MATR3: variants seen among roughly 807,000 people sequenced by gnomAD.
MATR3 encodes the protein matrin 3, also known as matrin-3.
MATR3 carries 4 observed loss-of-function variants against 85.5 expected under a neutral mutation model. The observed-to-expected ratio is 0.05, with a 90% CI of 0.02 to 0.11. The LOEUF (loss-of-function observed/expected upper bound fraction) is 0.11. Ranked by LOEUF, MATR3 falls within the 10% of genes least tolerant of loss-of-function variation. The pLI, the probability that MATR3 is intolerant of heterozygous loss-of-function variation, is 1.00. For synonymous variants in MATR3, 336 were observed against 343.1 expected (o/e 0.98, Z 0.23); for missense variants, 685 against 1,016.1 (o/e 0.67, Z 4.43).
intron 1 of MATR3, among the ~76,000 whole-genome samples, chr5:139,275,142 A>ATTTTTTTTTTT (rs750841386): frequency 4.4e-4 from 18 of 40,892 alleles, no homozygotes; most frequent in African/African-American, 5.6e-4. Flanking sequence ...CGCCCGGCTA[A>ATTTTTTTTTTT]TTTTTTTTTT....
chr5:139,298,818 C>T (rs1201760820), intron 1 of MATR3, among the ~76,000 whole-genome samples: 3 of 152,064 alleles, frequency 2.0e-5, no homozygotes, highest in Non-Finnish European at 2.9e-5. Context: ...CAAGAAACAG[C>T]GTTGTTCTTG....
At chr5:139,325,184 C>G (rs1755784012) in intron 12 of MATR3, 4 of 1,419,492 alleles carry the variant, frequency 2.8e-6, no homozygotes, top group Non-Finnish European at 3.7e-6. Flanking sequence ...CAGAGCAAGA[C>G]TCCGTCTCAA....
At chr5:139,291,949 T>G (rs1475048177), upstream of MATR3, 1 of 139,292 alleles carries the variant, frequency 7.2e-6, no homozygotes, top group Non-Finnish European at 1.6e-5. Flanking sequence ...TTTTTTTTTT[T>G]TTTTTTTTTT....
intron 1 of MATR3, among the ~76,000 whole-genome samples, chr5:139,275,289 G>A (rs1002168634): frequency 3.3e-5 from 5 of 151,330 alleles, no homozygotes; most frequent in African/African-American, 4.9e-5. Flanking sequence ...GAGCCACCGC[G>A]CCCGGCCTAA....
chr5:139,297,372 T>C (rs1561927084), intron 1 of MATR3, among the ~76,000 whole-genome samples: 1 of 152,206 alleles, frequency 6.6e-6, no homozygotes, highest in Non-Finnish European at 1.5e-5. Context: ...GTAGCAAACC[T>C]TTCTCATTGG....
At chr5:139,305,525 AT>A (rs1284026177) in intron 1 of MATR3, among the ~76,000 whole-genome samples, 1 of 152,126 alleles carries the variant, frequency 6.6e-6, no homozygotes, top group Admixed American at 6.5e-5. Context: ...CCTCTAAAGG[AT>A]TTGATTTGTA....
Position 139,317,663 on chromosome 5 carries a change from A to G in MATR3, c.1250A>G (p.Gln417Arg). Residue 417 changes from glutamine to arginine, a missense_variant, in exon 7 of 15, where the codon CAG becomes CGG. Physicochemically the swap from Gln to Arg is conservative, Grantham distance 43 (BLOSUM62 1). Coordinates refer to ENST00000394805, the MANE Select transcript of MATR3 (RefSeq NM_018834.6). ...RGKNLRYQLL[Q>R]LVEPFGVISN... ...AAAAACTTGAGATACCAGCTATTAC[A>G]GCTGGTAGAACCATTTGGAGTCATT... 6.2e-7 allele frequency: 1 copy of G among 1,611,498 alleles called. No individual in the cohort carries two copies. Among genetic ancestry groups the G allele is most frequent in the Non-Finnish European group, 8.5e-7 (1 of 1,179,454 alleles).
rs1755155925 is a variant in MATR3, at chr5:139,314,688, A to G, written c.926A>G (p.His309Arg). ...PVHSNKEWSQ[H>R]INGASHSRRC... ...ACTTTGCTGCAGGAGTGGAGTCAACATATCAATGGAGCAAGTCACAGTCGT... is the reference window on the plus strand; with the variant it reads ...ACTTTGCTGCAGGAGTGGAGTCAACGTATCAATGGAGCAAGTCACAGTCGT... Residue 309 changes from histidine (H) to arginine (R), a missense_variant, in exon 3 of 15, where the codon CAT becomes CGT. Transcript: ENST00000394805. The G allele has an allele frequency of 1.9e-6, 3 of 1,613,792 alleles. No individual in the cohort carries two copies. The highest frequency in any genetic ancestry group is 1.3e-5 in the African/African-American group (1 of 74,912).
intron 1 of MATR3, 135 bp downstream of exon 1, chr5:139,293,940 C>T (rs943812916): frequency 8.3e-7 from 1 of 1,209,510 alleles, no homozygotes; most frequent in Non-Finnish European, 1.0e-6. Context: ...GCTCTGCCTC[C>T]CTCCGCGTTG....
chr5:139,301,626 A>T (rs1289841640), intron 1 of MATR3, among the ~76,000 whole-genome samples: 1 of 152,034 alleles, frequency 6.6e-6, no homozygotes, highest in Non-Finnish European at 1.5e-5. Flanking sequence ...CCAGCCCAGA[A>T]TGGAGCCTTG....
At chr5:139,316,461 G>A (rs1273965865) in intron 5 of MATR3, among the ~76,000 whole-genome samples, 2 of 152,022 alleles carry the variant, frequency 1.3e-5, no homozygotes, top group Non-Finnish European at 2.9e-5. Flanking sequence ...GGCCAGACTA[G>A]TCTCGAACTC....
exon 1 of MATR3, chr5:139,274,114 G>C (rs546555324): frequency 1.0e-4 from 46 of 448,964 alleles, no homozygotes; most frequent in South Asian, 4.4e-4. Flanking sequence ...TTTCCCCTCC[G>C]GCCTCTGCCG....
intron 10 of MATR3, 110 bp from the exon 11 acceptor site, chr5:139,322,353 G>A (rs946095332): frequency 1.2e-5 from 12 of 1,020,908 alleles, no homozygotes; most frequent in Admixed American, 3.9e-5. Flanking sequence ...ATAAGGTTAC[G>A]GGAATTGAAT....
In MATR3 at chr5:139,274,678, T is replaced by C. The variant is rs1214979350; in HGVS notation, c.-287+517T>C. 2.0e-5 allele frequency among the ~76,000 whole-genome samples: 3 copies of C among 152,072 alleles called. No individual in the cohort carries two copies. In the East Asian group the frequency reaches 5.8e-4, roughly 30 times the overall value. On this transcript the variant is annotated intron_variant, in intron 1 of 16. Coordinates refer to ENST00000509990, the Ensembl canonical transcript of MATR3. ...TGAGGCCGGGCGCGTGGCTCACGCC[T>C]GTAATCTCAGCACTTTGGGAGGCCG... is the stretch of plus-strand genomic sequence containing the variant.
intron 3 of MATR3, among the ~76,000 whole-genome samples, chr5:139,288,345 T>C (rs1490039592): frequency 1.3e-5 from 2 of 152,230 alleles, no homozygotes; most frequent in Non-Finnish European, 1.5e-5. Flanking sequence ...AAATAATTAC[T>C]TCGTTGAAAA....
rs1561949179 is a variant in MATR3 at position 139,330,624 on chromosome 5, T to TA, written c.*1234dup. On this transcript the variant is annotated 3_prime_UTR_variant, in exon 15 of 15. Transcript: ENST00000394805. ...TAAAAGTGAGGCCATTTGTGGTTTTTAAAAACCTTATGAATTAAAAATGCT... is the reference window on the plus strand; with the variant it reads ...TAAAAGTGAGGCCATTTGTGGTTTTTAAAAAACCTTATGAATTAAAAATGCT... 2.2e-6 allele frequency: 1 copy of TA among 454,144 alleles called. No individual in the cohort carries two copies. The highest frequency in any genetic ancestry group is 2.3e-5 in the Admixed American group (1 of 42,576). The allele number at this position is 454,144 out of a possible 1,614,324, so 28.1% of individuals were successfully genotyped here.
intron 13 of MATR3, among the ~76,000 whole-genome samples, chr5:139,325,870 T>G (rs1219984306): frequency 1.3e-5 from 2 of 152,258 alleles, no homozygotes; most frequent in Non-Finnish European, 1.5e-5. Flanking sequence ...CTGTTGTTAT[T>G]CCACAATGTG....
chr5:139,310,558 T>C (rs928905235), intron 2 of MATR3: 3 of 152,210 alleles, frequency 2.0e-5, no homozygotes, highest in Non-Finnish European at 2.9e-5. Context: ...TGAAAAATTT[T>C]TAAACATTTA....
chr5:139,315,914 A>G, intron 4 of MATR3, 162 bp from the exon 5 acceptor site: 1 of 752,048 alleles, frequency 1.3e-6, no homozygotes, highest in Non-Finnish European at 2.3e-6. Flanking sequence ...AGTAATTTGT[A>G]TTCTTTTATT....
Sources: gnomAD v4.1 joint callset for allele counts (sites outside exome capture counted in the v4.1 genomes callset) on GRCh38, gnomAD v4.1.1 for gene constraint, MANE v1.5 for transcripts, NCBI Gene and HGNC (gene_info 2026-07-23, HGNC 2026-07-21) for gene names.